PUS10: variants seen among roughly 807,000 people sequenced by gnomAD.
PUS10 encodes the protein pseudouridine synthase 10.
PUS10 carries 59 observed loss-of-function variants against 75.0 expected under a neutral mutation model. The ratio of observed to expected loss-of-function variants is 0.79; its 90% CI spans 0.64 to 0.98. The LOEUF (loss-of-function observed/expected upper bound fraction) is 0.98, where lower values mean the gene tolerates loss of function less well. Among genes scored for constraint, PUS10 ranks in the 50% least tolerant of loss-of-function variants. PUS10 has a pLI of 0.00. For synonymous variants in PUS10, 219 were observed against 211.6 expected (o/e 1.03, Z -0.30); for missense variants, 650 against 614.4 (o/e 1.06, Z -0.61).
chr2:61,010,898 G>C (rs1450445113), intron 2 of PUS10: 4 of 1,548,640 alleles, frequency 2.6e-6, no homozygotes, highest in African/African-American at 2.7e-5. Flanking sequence ...TCTGAAAATA[G>C]AGACAATCAT....
At chr2:61,003,411 G>C (rs562326215) in intron 4 of PUS10, among the ~76,000 whole-genome samples, 3 of 149,402 alleles carry the variant, frequency 2.0e-5, no homozygotes, top group African/African-American at 7.4e-5. Flanking sequence ...GCAGTGAGCA[G>C]AGACTGCGCC....
intron 4 of PUS10, among the ~76,000 whole-genome samples, chr2:61,004,628 CAAAAAAAAAA>C (rs70959883): frequency 4.5e-5 from 3 of 67,288 alleles, no homozygotes; most frequent in African/African-American, 1.7e-4. Flanking sequence ...GACTCCGTCT[CAAAAAAAAAA>C]AAAAAAAAAA....
chr2:60,979,596 G>C (rs1053027431), intron 4 of PUS10, among the ~76,000 whole-genome samples: 1 of 152,236 alleles, frequency 6.6e-6, no homozygotes, highest in East Asian at 1.9e-4. Flanking sequence ...GATGTCAGAC[G>C]TGTGATTAAA....
chr2:60,974,499 G>C (rs1370309823), intron 4 of PUS10, among the ~76,000 whole-genome samples: 7 of 152,122 alleles, frequency 4.6e-5, no homozygotes, highest in African/African-American at 1.7e-4. Context: ...AACAAACAGG[G>C]CTGAAACACG....
At chr2:60,945,388 G>A (rs767891339) in intron 16 of PUS10, among the ~76,000 whole-genome samples, 23 of 152,092 alleles carry the variant, frequency 1.5e-4, no homozygotes, top group Non-Finnish European at 2.5e-4. Context: ...GTTTGGATGT[G>A]GATTTTAAAA....
rs56804354 is a variant in PUS10 at position 60,956,974 on chromosome 2, CAAAAAAAAAAAAAAAAA to C, written c.1001-1917_1001-1901del. ...CGGGTGACAGAGCGAGACTCCATCT[CAAAAAAAAAAAAAAAAA>C]AAAAAAAAAGAAAGAAAAAAAAAGA... On this transcript the variant is annotated intron_variant, in intron 11 of 17. Coordinates refer to ENST00000316752, the MANE Select transcript of PUS10 (RefSeq NM_144709.4). Among the ~76,000 whole-genome samples, 5 of 19,248 alleles carry C rather than the reference CAAAAAAAAAAAAAAAAA, an allele frequency of 2.6e-4. No individual in the cohort carries two copies. The East Asian group carries it at 0.013, about 48-fold the overall frequency. 12.6% of individuals were successfully genotyped at this position (19,248 alleles called of 152,430 possible).
At chr2:60,956,253 G>T (rs1046308443) in intron 11 of PUS10, among the ~76,000 whole-genome samples, 2 of 152,140 alleles carry the variant, frequency 1.3e-5, no homozygotes, top group Non-Finnish European at 2.9e-5. Context: ...AGCAATATCG[G>T]TATCTTCTAA....
chr2:61,004,812 AAATAAAAC>A (rs1283392827), intron 4 of PUS10, among the ~76,000 whole-genome samples: 2 of 152,224 alleles, frequency 1.3e-5, no homozygotes, highest in African/African-American at 4.8e-5. Context: ...TCATTACTAC[AAATAAAAC>A]AATAAAACAT....
At chr2:61,017,814 G>C (rs1208570016) in intron 1 of PUS10, 194 bp downstream of exon 1, 1 of 1,550,600 alleles carries the variant, frequency 6.4e-7, no homozygotes, top group Non-Finnish European at 8.7e-7. Flanking sequence ...CCGAATTCCG[G>C]GAGCCGGACC....
At position 61,008,752 on chromosome 2, in the gene PUS10, G is replaced by A; in HGVS notation, c.381+9C>T. ...TAATTGCACCTATAATGAAAAACAGGTTATTTACCTTTTTAATGAAATCTT... is the reference window on the plus strand; with the variant it reads ...TAATTGCACCTATAATGAAAAACAGATTATTTACCTTTTTAATGAAATCTT... On this transcript the variant is annotated intron_variant, in intron 3 of 17. Transcript: ENST00000316752. The A allele has an allele frequency of 6.4e-7, 1 of 1,551,846 alleles. No homozygotes were observed. The highest frequency in any genetic ancestry group is 8.8e-7 in the Non-Finnish European group (1 of 1,141,710).
intron 4 of PUS10, among the ~76,000 whole-genome samples, chr2:60,986,383 C>T (rs533139015): frequency 4.3e-4 from 65 of 152,186 alleles, no homozygotes; most frequent in African/African-American, 1.5e-3. Flanking sequence ...AAGAGTTACC[C>T]ATTTATTTGA....
chr2:60,978,431 A>G (rs1190956187), intron 4 of PUS10, among the ~76,000 whole-genome samples: 1 of 151,222 alleles, frequency 6.6e-6, no homozygotes, highest in African/African-American at 2.4e-5. Flanking sequence ...TAAAAAAAAA[A>G]AAAAAAAAAA....
At chr2:60,998,944 A>T (rs1475760999) in intron 4 of PUS10, 1 of 152,298 alleles carries the variant, frequency 6.6e-6, no homozygotes, top group African/African-American at 2.4e-5. Flanking sequence ...ATGATAGGAA[A>T]AAAGTTTTGA....
chr2:60,987,832 G>C (rs1212909005), intron 4 of PUS10, among the ~76,000 whole-genome samples: 3 of 151,956 alleles, frequency 2.0e-5, no homozygotes, highest in African/African-American at 4.8e-5. Flanking sequence ...AGAAAAGCTT[G>C]AGCCCAGGAG....
chr2:60,951,610 G>A (rs536063510), intron 15 of PUS10, among the ~76,000 whole-genome samples: 6 of 152,268 alleles, frequency 3.9e-5, no homozygotes, highest in African/African-American at 1.4e-4. Context: ...CACCACTGAG[G>A]GAACAGAAGA....
intron 4 of PUS10, among the ~76,000 whole-genome samples, chr2:60,972,326 C>G (rs1017527912): frequency 4.6e-5 from 7 of 151,492 alleles, no homozygotes; most frequent in Non-Finnish European, 1.0e-4. Flanking sequence ...AAAAATTAGC[C>G]GGGCGTGGAG....
Position 61,017,858 on chromosome 2 carries a change from G to T in PUS10, c.-16+150C>A, listed in dbSNP as rs1367010348. 6.5e-6 allele frequency: 10 copies of T among 1,550,214 alleles called. No individual in the cohort carries two copies. The highest frequency in any genetic ancestry group is 7.8e-6 in the Non-Finnish European group (9 of 1,146,648). The stretch of plus-strand genomic sequence containing the variant: ...GACCGGGCCCCACTTTCCAGTGAGT[G>T]TGGGATTCTTCAGGCTGTGAGTTTA... On this transcript the variant is annotated intron_variant, in intron 1 of 17. Coordinates refer to ENST00000316752, the MANE Select transcript of PUS10 (RefSeq NM_144709.4).
chr2:60,982,389 A>C (rs1218029741), intron 4 of PUS10, among the ~76,000 whole-genome samples: 4 of 152,048 alleles, frequency 2.6e-5, no homozygotes, highest in East Asian at 1.9e-4. Flanking sequence ...CAGCCTCCCG[A>C]GTAGCTGGGA....
chr2:60,993,899 C>T (rs1189952800), intron 4 of PUS10, among the ~76,000 whole-genome samples: 1 of 152,020 alleles, frequency 6.6e-6, no homozygotes. Context: ...ACGCCATTCT[C>T]CTTTCTCAGC....
Sources: gnomAD v4.1 joint callset for allele counts (sites outside exome capture counted in the v4.1 genomes callset) on GRCh38, gnomAD v4.1.1 for gene constraint, MANE v1.5 for transcripts, NCBI Gene and HGNC (gene_info 2026-07-23, HGNC 2026-07-21) for gene names.